The following PDK1 variants were observed in gnomAD, a reference collection of about 807,000 sequenced individuals.
The protein encoded by PDK1 is pyruvate dehydrogenase kinase 1, also known as [Pyruvate dehydrogenase (acetyl-transferring)] kinase isozyme 1, mitochondrial.
PDK1 carries 39 observed loss-of-function variants against 54.2 expected under a neutral mutation model. The ratio of observed to expected loss-of-function variants is 0.72; its 90% confidence interval spans 0.56 to 0.94. The LOEUF is 0.94. PDK1 is among the 40% of genes least tolerant of loss of function. PDK1 has a pLI of 0.00. For missense variants in PDK1, 552 were observed against 566.0 expected (o/e 0.98, Z 0.25); for synonymous variants, 221 against 207.1 (o/e 1.07, Z -0.58).
At chr2:172,622,397 A>G in the PDK1 span, among the ~76,000 whole-genome samples, 7 of 147,856 alleles carry the variant, frequency 4.7e-5, no homozygotes, top group African/African-American at 1.7e-4. Context: ...TTTATATCAT[A>G]TATTATGTGA....
At chr2:172,574,232 T>C (rs1689455441) in intron 8 of PDK1, among the ~76,000 whole-genome samples, 1 of 152,246 alleles carries the variant, frequency 6.6e-6, no homozygotes, top group South Asian at 2.1e-4. Context: ...CAAAAATCAA[T>C]TGCTCATAAA....
chr2:172,642,421 ACCCTAAGGCAGAGGT>A, the PDK1 span, among the ~76,000 whole-genome samples: 1 of 151,884 alleles, frequency 6.6e-6, no homozygotes, highest in African/African-American at 2.4e-5. Context: ...GGCTGTGAAA[ACCCTAAGGCAGAGGT>A]TTTCAAAGTG....
chr2:172,560,258 C>T (rs1224981903), intron 2 of PDK1, among the ~76,000 whole-genome samples: 3 of 152,198 alleles, frequency 2.0e-5, no homozygotes, highest in African/African-American at 4.8e-5. Flanking sequence ...CTCCTGGGGT[C>T]AAGAGATTCT....
chr2:172,556,072 C>T (rs1688297363), upstream of PDK1: 5 of 1,117,618 alleles, frequency 4.5e-6, no homozygotes, highest in Non-Finnish European at 5.8e-6. Flanking sequence ...CTGCTGCCCG[C>T]CACGTCCCTC....
the PDK1 span, among the ~76,000 whole-genome samples, chr2:172,706,456 G>C: frequency 2.0e-5 from 3 of 150,772 alleles, no homozygotes; most frequent in African/African-American, 7.3e-5. Flanking sequence ...ACAGGGTCTA[G>C]CTCTGTTGCC....
chr2:172,645,259 G>GTTTTTT, the PDK1 span, among the ~76,000 whole-genome samples: 1 of 38,740 alleles, frequency 2.6e-5, no homozygotes, highest in Non-Finnish European at 6.5e-5. Context: ...TACAAAATAG[G>GTTTTTT]CTTTTTTTTT....
the PDK1 span, among the ~76,000 whole-genome samples, chr2:172,629,420 G>A: frequency 2.0e-5 from 3 of 152,156 alleles, no homozygotes; most frequent in Admixed American, 1.3e-4. Context: ...GTAGCTGGAC[G>A]TCAGAGAGAA....
chr2:172,590,745 T>C (rs554336545), intron 9 of PDK1, among the ~76,000 whole-genome samples: 1 of 146,944 alleles, frequency 6.8e-6, no homozygotes, highest in South Asian at 2.2e-4. Context: ...TATTCCCTTA[T>C]TTGGCCCCAC....
At chr2:172,691,076 C>A in the PDK1 span, among the ~76,000 whole-genome samples, 1 of 150,354 alleles carries the variant, frequency 6.7e-6, no homozygotes, top group Admixed American at 6.8e-5. Flanking sequence ...CAAAAAGACA[C>A]TGGTGAAGTT....
chr2:172,558,573 C>T, intron 1 of PDK1, 135 bp from the exon 2 acceptor site: 3 of 727,506 alleles, frequency 4.1e-6, no homozygotes, highest in Non-Finnish European at 6.7e-6. Context: ...TCTTTGCCTC[C>T]TATTCCCTGC....
chr2:172,639,026 A>T, the PDK1 span, among the ~76,000 whole-genome samples: 1 of 152,150 alleles, frequency 6.6e-6, no homozygotes, highest in South Asian at 2.1e-4. Context: ...GTACCTTTTT[A>T]AAAAAATTTT....
chr2:172,622,959 A>C, the PDK1 span, among the ~76,000 whole-genome samples: 63 of 150,322 alleles, frequency 4.2e-4, no homozygotes, highest in African/African-American at 1.5e-3. Context: ...TTAGATAGAT[A>C]GATAGATCTC....
the PDK1 span, among the ~76,000 whole-genome samples, chr2:172,614,181 C>G: frequency 1.5e-4 from 22 of 149,036 alleles, no homozygotes; most frequent in African/African-American, 5.5e-4. Flanking sequence ...GACCCCCCCC[C>G]CCAACCCCCA....
intron 8 of PDK1, among the ~76,000 whole-genome samples, chr2:172,578,543 C>T (rs577533697): frequency 5.9e-5 from 9 of 152,002 alleles, no homozygotes; most frequent in Middle Eastern, 3.4e-3. Flanking sequence ...TGTTTGTTTA[C>T]GGAGTGTGAG....
intron 9 of PDK1, among the ~76,000 whole-genome samples, chr2:172,586,884 G>C (rs1174260292): frequency 6.6e-6 from 1 of 152,084 alleles, no homozygotes; most frequent in African/African-American, 2.4e-5. Flanking sequence ...GTTAATCTTA[G>C]TTCCACCTAT....
the PDK1 span, among the ~76,000 whole-genome samples, chr2:172,673,890 G>A: frequency 6.6e-6 from 1 of 152,172 alleles, no homozygotes; most frequent in Non-Finnish European, 1.5e-5. Context: ...AATACTTGTG[G>A]AAAATCCATT....
At chr2:172,591,835 G>A (rs1035348452) in intron 9 of PDK1, among the ~76,000 whole-genome samples, 1 of 152,184 alleles carries the variant, frequency 6.6e-6, no homozygotes, top group Non-Finnish European at 1.5e-5. Flanking sequence ...ACTTAAAATT[G>A]GTATAGATGG....
chr2:172,590,870 G>A (rs1336879554), intron 9 of PDK1, among the ~76,000 whole-genome samples: 1 of 152,104 alleles, frequency 6.6e-6, no homozygotes, highest in Admixed American at 6.5e-5. Flanking sequence ...AGACAGAAAA[G>A]TTCTCCAAGT....
At chr2:172,646,397 T>A in the PDK1 span, among the ~76,000 whole-genome samples, 1 of 152,208 alleles carries the variant, frequency 6.6e-6, no homozygotes, top group Non-Finnish European at 1.5e-5. Flanking sequence ...TCTTTCTAAT[T>A]TGACAGCCTC....
Sources: gnomAD v4.1 joint callset for allele counts (sites outside exome capture counted in the v4.1 genomes callset) on GRCh38, gnomAD v4.1.1 for gene constraint, MANE v1.5 for transcripts, NCBI Gene and HGNC (gene_info 2026-07-23, HGNC 2026-07-21) for gene names.